The following UQCRFS1 variants were observed in gnomAD, a reference collection of about 807,000 sequenced individuals.
UQCRFS1 encodes the protein ubiquinol-cytochrome c reductase, Rieske iron-sulfur polypeptide 1.
A neutral mutation model predicts 15.6 loss-of-function variants in UQCRFS1; 6 were observed. The ratio of observed to expected loss-of-function variants is 0.38; its 90% confidence interval spans 0.21 to 0.76. The LOEUF is 0.76. Ranked by LOEUF, UQCRFS1 falls within the 30% of genes least tolerant of loss-of-function variation. The probability of loss-of-function intolerance (pLI) is 0.44; values close to 1 mark genes in which losing one functional copy is unlikely to be tolerated. For missense variants in UQCRFS1, 203 were observed against 366.7 expected, an observed-to-expected ratio of 0.55 and a Z score of 3.65; for synonymous variants, 105 against 154.3, an observed-to-expected ratio of 0.68 and a Z score of 2.37.
At chr19:29,210,363 ATT>A (rs36011842) in intron 1 of UQCRFS1, among the ~76,000 whole-genome samples, 1 of 150,700 alleles carries the variant, frequency 6.6e-6, no homozygotes, top group African/African-American at 2.4e-5. Flanking sequence ...TAAACCTCCA[ATT>A]TTTTTTTTAT....
chr19:29,212,801 G>C (rs985482716), intron 1 of UQCRFS1, 104 bp downstream of exon 1: 5 of 1,233,960 alleles, frequency 4.1e-6, no homozygotes, highest in South Asian at 2.1e-5. Flanking sequence ...AGCCCGACCT[G>C]ATTCAGGCTC....
intron 1 of UQCRFS1, 93 bp from the exon 2 acceptor site, chr19:29,208,251 A>G: frequency 2.0e-6 from 3 of 1,467,850 alleles, no homozygotes; most frequent in South Asian, 1.4e-5. Context: ...ATTCACAGGT[A>G]AAAAATCAAA....
In UQCRFS1 at chr19:29,213,129, G is replaced by C. The variant is rs1976680208; in HGVS notation, c.-11C>G. 1 of 1,520,336 alleles carries C rather than the reference G, an allele frequency of 6.6e-7. No homozygotes were observed. Among genetic ancestry groups the C allele is most frequent in the African/African-American group, 1.4e-5 (1 of 70,566 alleles). 94.2% of individuals were successfully genotyped at this position (1,520,336 alleles called of 1,614,324 possible). Reference sequence around the variant, plus strand: ...TGCTACCGACAACATGGCGACAGCCGCTCCAACCGCCAAGCCGGTCACAGG... The same window carrying C: ...TGCTACCGACAACATGGCGACAGCCCCTCCAACCGCCAAGCCGGTCACAGG... On this transcript the variant is annotated 5_prime_UTR_variant, in exon 1 of 2. Coordinates refer to ENST00000304863, the MANE Select transcript of UQCRFS1 (RefSeq NM_006003.3).
intron 1 of UQCRFS1, among the ~76,000 whole-genome samples, chr19:29,210,503 C>A (rs1018494616): frequency 4.3e-5 from 5 of 116,966 alleles, no homozygotes; most frequent in African/African-American, 1.3e-4. Context: ...CAATGCTATC[C>A]CTCCCCCTCC....
intron 1 of UQCRFS1, among the ~76,000 whole-genome samples, chr19:29,211,256 G>A (rs1423292956): frequency 6.6e-6 from 1 of 151,958 alleles, no homozygotes; most frequent in Non-Finnish European, 1.5e-5. Context: ...AGACATTTAT[G>A]CAGCCAAAAA....
intron 1 of UQCRFS1, among the ~76,000 whole-genome samples, chr19:29,209,568 A>T (rs934116422): frequency 2.6e-5 from 4 of 152,184 alleles, no homozygotes; most frequent in African/African-American, 9.6e-5. Flanking sequence ...GGAGAAGACC[A>T]GGACACAGAT....
chr19:29,210,908 A>C (rs1039819668), intron 1 of UQCRFS1, among the ~76,000 whole-genome samples: 7 of 151,906 alleles, frequency 4.6e-5, no homozygotes, highest in Non-Finnish European at 7.4e-5. Flanking sequence ...TGGTATTTCT[A>C]GTTCTAGATC....
At chr19:29,209,770 T>A (rs1274305016) in intron 1 of UQCRFS1, among the ~76,000 whole-genome samples, 1 of 152,072 alleles carries the variant, frequency 6.6e-6, no homozygotes, top group African/African-American at 2.4e-5. Context: ...GATAAAGGAA[T>A]AAAAAGTTCA....
intron 1 of UQCRFS1, among the ~76,000 whole-genome samples, chr19:29,211,508 G>C (rs946450509): frequency 6.6e-6 from 1 of 152,166 alleles, no homozygotes; most frequent in Admixed American, 6.5e-5. Context: ...CAAATACTTT[G>C]CACTAACTGT....
At position 29,213,084 on chromosome 19, in the gene UQCRFS1, G is replaced by C. The variant is rs1263947592; in HGVS notation, c.35C>G (p.Ala12Gly). The C allele has an allele frequency of 6.7e-7, 1 of 1,495,898 alleles. No individual in the cohort carries two copies. The highest frequency in any genetic ancestry group is 2.2e-5 in the Admixed American group (1 of 45,364). 92.7% of individuals were successfully genotyped at this position (1,495,898 alleles called of 1,614,324 possible). Residue 12 changes from alanine to glycine, a missense_variant, in exon 1 of 2, where the codon GCG becomes GGG. Transcript: ENST00000304863. ...GCGGGACGTGGCCGACAGGACGGGCGCGAACGGGCCTGAGCGGGATGCTAC... is the reference window on the plus strand; with the variant it reads ...GCGGGACGTGGCCGACAGGACGGGCCCGAACGGGCCTGAGCGGGATGCTAC... The part of the protein sequence containing the change: ...LSVASRSGPF[A>G]PVLSATSRGV...
At chr19:29,211,416 C>G (rs998945975) in intron 1 of UQCRFS1, among the ~76,000 whole-genome samples, 33 of 152,186 alleles carry the variant, frequency 2.2e-4, no homozygotes, top group Admixed American at 2.0e-3. Flanking sequence ...CTCCAGGTCC[C>G]AAGGATGGGC....
In UQCRFS1 at chr19:29,206,319, C is replaced by G. The variant is rs1267876572; in HGVS notation, c.*1229G>C. 6.6e-6 allele frequency: 1 copy of G among 152,152 alleles called. No homozygotes were observed. Among genetic ancestry groups the G allele is most frequent in the Admixed American group, 6.5e-5 (1 of 15,270 alleles). 9.4% of individuals were successfully genotyped at this position (152,152 alleles called of 1,614,324 possible). ...TGACATTTTCTTTTTTCTGTCAACA[C>G]CTAGCTATTAACATCAAAGGCTGGA... On this transcript the variant is annotated 3_prime_UTR_variant, in exon 2 of 2. Coordinates refer to ENST00000304863, the MANE Select transcript of UQCRFS1 (RefSeq NM_006003.3).
intron 1 of UQCRFS1, among the ~76,000 whole-genome samples, chr19:29,210,148 C>T (rs1247993207): frequency 6.6e-6 from 1 of 152,150 alleles, no homozygotes; most frequent in African/African-American, 2.4e-5. Context: ...TGGAAATCTG[C>T]ATGAAAATAG....
At chr19:29,209,713 C>G (rs929684790) in intron 1 of UQCRFS1, among the ~76,000 whole-genome samples, 1 of 152,102 alleles carries the variant, frequency 6.6e-6, no homozygotes, top group Non-Finnish European at 1.5e-5. Flanking sequence ...ATTACTTGCT[C>G]CTAGCACTAC....
At chr19:29,209,362 A>G (rs1976622516) in intron 1 of UQCRFS1, among the ~76,000 whole-genome samples, 1 of 152,234 alleles carries the variant, frequency 6.6e-6, no homozygotes, top group Non-Finnish European at 1.5e-5. Flanking sequence ...ATAAACTGCA[A>G]TTCTACCTTG....
At position 29,213,050 on chromosome 19, in the gene UQCRFS1, C is replaced by G. The variant is rs1384951480; in HGVS notation, c.69G>C (p.Ala23=). ...CCTGCACCAAGGGCCGCAGCGCGCCCGCCACCCCGCGGGACGTGGCCGACA... is the reference window on the plus strand; with the variant it reads ...CCTGCACCAAGGGCCGCAGCGCGCCGGCCACCCCGCGGGACGTGGCCGACA... ...PVLSATSRGV[A]GALRPLVQAT... Residue 23 remains alanine, a synonymous_variant, in exon 1 of 2, where the codon GCG becomes GCC. Transcript: ENST00000304863. 1 of 1,444,274 alleles carries G rather than the reference C, an allele frequency of 6.9e-7. No homozygotes were observed. The highest frequency in any genetic ancestry group is 1.5e-5 in the African/African-American group (1 of 66,598). The allele number at this position is 1,444,274 out of a possible 1,614,324, so 89.5% of individuals were successfully genotyped here. A position where few individuals can be genotyped will look rare whatever the true frequency, so the allele number is the denominator to read the frequency against.
At chr19:29,212,507 G>A (rs1277731070) in intron 1 of UQCRFS1, among the ~76,000 whole-genome samples, 1 of 152,050 alleles carries the variant, frequency 6.6e-6, no homozygotes, top group Admixed American at 6.5e-5. Flanking sequence ...CCCAAACTGT[G>A]CTAACGGCTT....
At chr19:29,211,159 C>G (rs997541388) in intron 1 of UQCRFS1, among the ~76,000 whole-genome samples, 6 of 140,666 alleles carry the variant, frequency 4.3e-5, no homozygotes, top group Non-Finnish European at 6.1e-5. Flanking sequence ...CCAGAATCTA[C>G]AATGAACTCA....
chr19:29,211,119 C>T (rs1008371828), intron 1 of UQCRFS1, among the ~76,000 whole-genome samples: 2 of 151,928 alleles, frequency 1.3e-5, no homozygotes. Context: ...AAAATTTTTG[C>T]AACCTACTCA....
Sources: gnomAD v4.1 joint callset for allele counts (sites outside exome capture counted in the v4.1 genomes callset) on GRCh38, gnomAD v4.1.1 for gene constraint, MANE v1.5 for transcripts, NCBI Gene and HGNC (gene_info 2026-07-23, HGNC 2026-07-21) for gene names.